Variants in MROH1 observed in about 807,000 individuals in gnomAD.
MROH1 encodes the protein maestro heat like repeat family member 1.
In MROH1, 117 loss-of-function variants were observed where a neutral mutation model predicts 116.5. The ratio of observed to expected loss-of-function variants is 1.00; its 90% confidence interval spans 0.86 to 1.17. MROH1 has a LOEUF of 1.17. Ranked by LOEUF, MROH1 falls within the 50% of genes most tolerant of loss-of-function variation. The probability of loss-of-function intolerance (pLI) is 0.00; values close to 1 mark genes in which losing one functional copy is unlikely to be tolerated. For missense variants in MROH1, 1,873 were observed against 1,338.5 expected, an observed-to-expected ratio of 1.40 and a Z score of -6.23; for synonymous variants, 921 against 583.9, an observed-to-expected ratio of 1.58 and a Z score of -8.32.
At chr8:144,257,127 T>C (rs1844017870) in intron 35 of MROH1, among the ~76,000 whole-genome samples, 1 of 152,238 alleles carries the variant, frequency 6.6e-6, no homozygotes, top group Admixed American at 6.5e-5. Flanking sequence ...GTCCTCTGCC[T>C]GTGGTCAGTG....
chr8:144,192,813 T>G, intron 10 of MROH1: 1 of 350,054 alleles, frequency 2.9e-6, no homozygotes, highest in Non-Finnish European at 5.6e-6. Context: ...GGAGAGGAAG[T>G]GATGTGGGGA....
chr8:144,188,016 A>G (rs1317410644), intron 7 of MROH1, among the ~76,000 whole-genome samples: 1 of 152,168 alleles, frequency 6.6e-6, no homozygotes, highest in African/African-American at 2.4e-5. Context: ...GGTGTGAAAC[A>G]GTTGCCCAAG....
In MROH1 at chr8:144,242,438, C is replaced by T. The variant is rs1040586221; in HGVS notation, c.2248C>T (p.Arg750Trp). 4.4e-5 allele frequency: 34 copies of T among 780,546 alleles called. No individual in the cohort carries two copies. The highest frequency in any genetic ancestry group is 6.5e-5 in the Non-Finnish European group (27 of 417,836). 48.4% of individuals were successfully genotyped at this position (780,546 alleles called of 1,614,324 possible). A position where few individuals can be genotyped will look rare whatever the true frequency, so the allele number is the denominator to read the frequency against. ...LILCYGHVAA[R>W]APRELVLAKV... ...CCTGTGCTATGGGCACGTGGCGGCC[C>T]GGGCCCCCCGGGAGCTGGTGCTGGC... Residue 750 changes from arginine to tryptophan, a missense_variant, in exon 23 of 44, where the codon CGG becomes TGG. By Grantham distance (101) the Arg-to-Trp change is moderately radical. Coordinates refer to ENST00000326134, the MANE Select transcript of MROH1 (RefSeq NM_032450.3).
Position 144,191,261 on chromosome 8 carries a change from G to A in MROH1, c.714+326G>A, listed in dbSNP as rs192982468. On this transcript the variant is annotated intron_variant, in intron 8 of 43. Coordinates refer to ENST00000326134, the MANE Select transcript of MROH1 (RefSeq NM_032450.3). ...ATTTTTGTATTTTTAGTAGAGATGA[G>A]GTTTCGCCATGTTGGCCAGGCTGGT... Among the ~76,000 whole-genome samples the A allele has an allele frequency of 3.0e-3, 464 of 152,286 alleles. 3 individuals carry two copies. Among genetic ancestry groups the A allele is most frequent in the African/African-American group, 0.01 (423 of 41,560 alleles).
At chr8:144,148,285 G>C (rs1282391302) in intron 1 of MROH1, among the ~76,000 whole-genome samples, 1 of 152,190 alleles carries the variant, frequency 6.6e-6, no homozygotes, top group African/African-American at 2.4e-5. Flanking sequence ...CCACAGCCCG[G>C]AAGAGAGGCC....
intron 7 of MROH1, among the ~76,000 whole-genome samples, chr8:144,181,530 T>C (rs1208981208): frequency 6.6e-6 from 1 of 152,212 alleles, no homozygotes; most frequent in Non-Finnish European, 1.5e-5. Flanking sequence ...GCCCTGCTCT[T>C]TGATAAATGC....
At chr8:144,208,228 G>A (rs1013199385) in intron 12 of MROH1, among the ~76,000 whole-genome samples, 2 of 152,176 alleles carry the variant, frequency 1.3e-5, no homozygotes, top group Admixed American at 1.3e-4. Flanking sequence ...ACAGGCGTGA[G>A]CCACCACACC....
At chr8:144,155,249 CCT>C (rs1350166904) in intron 1 of MROH1, among the ~76,000 whole-genome samples, 1 of 152,156 alleles carries the variant, frequency 6.6e-6, no homozygotes, top group Non-Finnish European at 1.5e-5. Flanking sequence ...CCGCACCCGG[CCT>C]CTCAATACTG....
intron 35 of MROH1, among the ~76,000 whole-genome samples, 191 bp downstream of exon 35, chr8:144,255,896 T>C (rs1843657830): frequency 6.6e-6 from 1 of 151,920 alleles, no homozygotes; most frequent in Non-Finnish European, 1.5e-5. Context: ...GCCACCCTTC[T>C]CACACTGGCT....
At chr8:144,199,227 T>C in intron 11 of MROH1, 27 bp downstream of exon 11, 1 of 1,603,194 alleles carries the variant, frequency 6.2e-7, no homozygotes, top group Non-Finnish European at 8.5e-7. Flanking sequence ...GCTTTGCCCA[T>C]GGGCATCTGT....
chr8:144,190,925 G>T lies in MROH1; in HGVS notation c.704G>T (p.Arg235Leu). The change falls in exon 8 of 44, where the codon CGA becomes CTA. Residue 235 changes from arginine (R) to leucine (L), a missense_variant. Physicochemically the swap from Arg to Leu is moderately radical, Grantham distance 102. Coordinates refer to ENST00000326134, the MANE Select transcript of MROH1 (RefSeq NM_032450.3). ...CTCTTCCATCAGTGGCTGCAGAGTCGAGAAGCCAAGGTATGCCCCGTGGCT... is the reference window on the plus strand; with the variant it reads ...CTCTTCCATCAGTGGCTGCAGAGTCTAGAAGCCAAGGTATGCCCCGTGGCT... ...DVLFHQWLQS[R>L]EAKLRLAVVE... is the part of the protein sequence containing the mutation. 1 of 1,613,086 alleles carries T rather than the reference G, an allele frequency of 6.2e-7. No individual in the cohort carries two copies. The highest frequency in any genetic ancestry group is 8.5e-7 in the Non-Finnish European group (1 of 1,179,796).
intron 3 of MROH1, among the ~76,000 whole-genome samples, chr8:144,164,337 G>A (rs1483384799): frequency 2.7e-4 from 41 of 151,168 alleles, no homozygotes; most frequent in East Asian, 7.8e-4. Context: ...CTCGGGAGGC[G>A]GAGGTTGCAG....
At chr8:144,179,335 C>T (rs1264954813) in intron 4 of MROH1, 120 bp from the exon 5 acceptor site, 35 of 1,405,646 alleles carry the variant, frequency 2.5e-5, no homozygotes, top group African/African-American at 7.0e-5. Context: ...GTACCCCTCC[C>T]CTCCTGCACT....
At chr8:144,222,455 C>A (rs953263863) in intron 13 of MROH1, among the ~76,000 whole-genome samples, 1 of 152,262 alleles carries the variant, frequency 6.6e-6, no homozygotes, top group Non-Finnish European at 1.5e-5. Flanking sequence ...GCAAAGGGGC[C>A]TTCACACAGC....
chr8:144,248,729 G>T, intron 31 of MROH1, 148 bp from the exon 32 acceptor site: 1 of 671,530 alleles, frequency 1.5e-6, no homozygotes. Flanking sequence ...CGAGCTCATT[G>T]AAGGCGCAGG....
At chr8:144,244,777 G>A (rs895367057) in intron 28 of MROH1, among the ~76,000 whole-genome samples, 23 of 152,328 alleles carry the variant, frequency 1.5e-4, no homozygotes, top group African/African-American at 2.9e-4. Flanking sequence ...TGCATGGCGC[G>A]GGGATGGAGG....
At position 144,185,522 on chromosome 8, in the gene MROH1, G is replaced by A. The variant is rs143968685; in HGVS notation, c.562+4999G>A. 2.1e-3 allele frequency among the ~76,000 whole-genome samples: 276 copies of A among 129,172 alleles called. 1 individual carries two copies. The highest frequency in any genetic ancestry group is 3.4e-3 in the Non-Finnish European group (206 of 60,074). The allele number at this position is 129,172 out of a possible 152,430, so 84.7% of individuals were successfully genotyped here. ...GACAGCGAGGGGTGGCGCGGGGACC[G>A]CGGGGAGATGTGAGGGGTGGCATGG... is the stretch of plus-strand genomic sequence containing the variant. On this transcript the variant is annotated intron_variant, in intron 7 of 43. Transcript: ENST00000326134.
rs1820057003 is a variant in MROH1, at chr8:144,163,498, G to A, written c.-56-273G>A. ...TCCTGCTGGGGCTGATGGTGACGAG[G>A]TGACACTGTGGGCCAGCTGTGGACA... On this transcript the variant is annotated intron_variant, in intron 2 of 43. Transcript: ENST00000326134. This position sits in a 1 kb window ranked among gnomAD's most constrained non-coding sequence, Gnocchi z 4.4. 6.6e-6 allele frequency among the ~76,000 whole-genome samples: 1 copy of A among 152,164 alleles called. No individual in the cohort carries two copies. The highest frequency in any genetic ancestry group is 2.4e-5 in the African/African-American group (1 of 41,432).
At chr8:144,192,633 C>T in intron 10 of MROH1, 2 of 685,880 alleles carry the variant, frequency 2.9e-6, no homozygotes, top group Non-Finnish European at 2.7e-6. Context: ...ATGGAGGTGG[C>T]AGGAGTGGGT....
Sources: gnomAD v4.1 joint callset for allele counts (sites outside exome capture counted in the v4.1 genomes callset) on GRCh38, gnomAD v4.1.1 for gene constraint, Gnocchi (gnomAD v3.1) non-coding constraint, MANE v1.5 for transcripts, NCBI Gene and HGNC (gene_info 2026-07-23, HGNC 2026-07-21) for gene names.